Variants in HHAT observed in about 807,000 individuals in gnomAD.
HHAT encodes the protein protein-cysteine N-palmitoyltransferase HHAT.
Under a neutral mutation model 70.8 loss-of-function variants are expected in HHAT, and 47 were observed. The ratio of observed to expected loss-of-function variants is 0.66; its 90% CI spans 0.53 to 0.85. The LOEUF (loss-of-function observed/expected upper bound fraction) is 0.85, where lower values mean the gene tolerates loss of function less well. HHAT is among the 40% of genes least tolerant of loss of function. The pLI, the probability that HHAT is intolerant of heterozygous loss-of-function variation, is 0.00. For missense variants in HHAT, 609 were observed against 604.8 expected (o/e 1.01, Z -0.07); for synonymous variants, 228 against 247.6 (o/e 0.92, Z 0.74).
chr1:210,447,807 C>T (rs949586540), intron 7 of HHAT, among the ~76,000 whole-genome samples: 2 of 152,278 alleles, frequency 1.3e-5, no homozygotes, highest in Non-Finnish European at 1.5e-5. Context: ...TACGAGGCCC[C>T]ACATTCTGGT....
intron 3 of HHAT, among the ~76,000 whole-genome samples, chr1:210,374,943 A>AC (rs1454712962): frequency 8.6e-5 from 13 of 151,560 alleles, no homozygotes; most frequent in Admixed American, 8.5e-4. Flanking sequence ...CCTCCCTGCC[A>AC]CCCCCCAGCA....
chr1:210,330,751 G>T (rs1456047932), intron 1 of HHAT, among the ~76,000 whole-genome samples: 3 of 152,200 alleles, frequency 2.0e-5, no homozygotes. Context: ...CGGTTTCATG[G>T]ACAATAAGTT....
At chr1:210,347,626 C>T (rs1415525552) in intron 1 of HHAT, among the ~76,000 whole-genome samples, 1 of 152,168 alleles carries the variant, frequency 6.6e-6, no homozygotes, top group East Asian at 1.9e-4. Flanking sequence ...TTCTCTATTA[C>T]TTAGAGTATA....
At chr1:210,416,210 C>T (rs1402436833) in intron 6 of HHAT, among the ~76,000 whole-genome samples, 3 of 152,230 alleles carry the variant, frequency 2.0e-5, no homozygotes, top group Non-Finnish European at 2.9e-5. Context: ...CTGCCACTCT[C>T]CTGGCTGCAG....
rs184281511 is a variant in HHAT, at chr1:210,574,569, A to G, written c.1044-13329A>G. On this transcript the variant is annotated intron_variant, in intron 9 of 11. Transcript: ENST00000261458. ...AAGAACTTGCCTTTTCTTTTCCTTT[A>G]TATTACCCTTGTCATCTGTTGATTT... Among the ~76,000 whole-genome samples, 9 of 152,336 alleles carry G rather than the reference A, an allele frequency of 5.9e-5. No homozygotes were observed. In the East Asian group the frequency reaches 1.7e-3, roughly 29 times the overall value.
chr1:210,415,236 A>G (rs1262250297), intron 6 of HHAT, among the ~76,000 whole-genome samples: 1 of 152,206 alleles, frequency 6.6e-6, no homozygotes, highest in African/African-American at 2.4e-5. Context: ...CTTCTCGTTT[A>G]TTAAAACAAA....
At chr1:210,578,440 G>C (rs537065510) in intron 9 of HHAT, among the ~76,000 whole-genome samples, 1 of 152,048 alleles carries the variant, frequency 6.6e-6, no homozygotes, top group African/African-American at 2.4e-5. Context: ...AAATAAAAAA[G>C]AGCTACTATG....
Position 210,362,900 on chromosome 1 carries a change from T to G in HHAT, c.140T>G (p.Leu47Ter). The G allele has an allele frequency of 6.2e-7, 1 of 1,613,148 alleles. No individual in the cohort carries two copies. The highest frequency in any genetic ancestry group is 8.5e-7 in the Non-Finnish European group (1 of 1,179,130). Reference sequence around the variant, plus strand: ...GAATTTGAGCTGGAGACTGACACTTTATTTGGAGGATTAAAGAAGGTACAA... The same window carrying G: ...GAATTTGAGCTGGAGACTGACACTTGATTTGGAGGATTAAAGAAGGTACAA... ...DQEFELETDTLFGGLKKDATD... is the reference protein window; with the variant it reads ...DQEFELETDT Residue 47 changes from leucine to a stop codon, truncating the protein, a stop_gained, in exon 3 of 12, where the codon TTA becomes TGA. Coordinates refer to ENST00000261458, the MANE Select transcript of HHAT (RefSeq NM_018194.6). LOFTEE classifies it high-confidence loss of function.
intron 7 of HHAT, among the ~76,000 whole-genome samples, chr1:210,430,058 A>G (rs2093197844): frequency 6.6e-6 from 1 of 151,960 alleles, no homozygotes; most frequent in African/African-American, 2.4e-5. Context: ...ATTTTATAGA[A>G]TAAGGAGTTC....
At position 210,329,100 on chromosome 1, in the gene HHAT, C is replaced by T. The variant is rs2084752397; in HGVS notation, c.-48C>T. The T allele has an allele frequency of 5.0e-6, 7 of 1,395,596 alleles. No homozygotes were observed. The highest frequency in any genetic ancestry group is 4.8e-5 in the South Asian group (3 of 62,772). 86.5% of individuals were successfully genotyped at this position (1,395,596 alleles called of 1,614,324 possible). A position where few individuals can be genotyped will look rare whatever the true frequency, so the allele number is the denominator to read the frequency against. The stretch of plus-strand genomic sequence containing the variant: ...GCCGTCGCCGCCGCCCGGGACAGCC[C>T]GGAGGTTGGTAACTGGTGACCATAG... On this transcript the variant is annotated 5_prime_UTR_variant, in exon 1 of 12. Transcript: ENST00000261458.
chr1:210,507,339 A>G (rs956469075), intron 8 of HHAT, among the ~76,000 whole-genome samples: 2 of 151,684 alleles, frequency 1.3e-5, no homozygotes, highest in Admixed American at 6.6e-5. Context: ...CAAAAACTAA[A>G]GAAAACATTT....
In HHAT at chr1:210,673,850, G is replaced by A. The variant is rs530007549; in HGVS notation, c.1391-438G>A. Among the ~76,000 whole-genome samples, 17 of 150,842 alleles carry A rather than the reference G, an allele frequency of 1.1e-4. No individual in the cohort carries two copies. The South Asian group carries it at 3.6e-3, about 32-fold the overall frequency. On this transcript the variant is annotated intron_variant, in intron 11 of 11. Coordinates refer to ENST00000261458, the MANE Select transcript of HHAT (RefSeq NM_018194.6). Reference sequence around the variant, plus strand: ...AGGTTTCACTATGTTTCCCAGGCTGGTCTCCAACTCTTGGACTCAAGTGAT... The same window carrying A: ...AGGTTTCACTATGTTTCCCAGGCTGATCTCCAACTCTTGGACTCAAGTGAT...
Position 210,640,625 on chromosome 1 carries a change from A to C in HHAT, c.1390+16955A>C, listed in dbSNP as rs61827414. Among the ~76,000 whole-genome samples, 1,247 of 152,268 alleles carry C rather than the reference A, an allele frequency of 8.2e-3. 7 individuals are homozygous for C. The highest frequency in any genetic ancestry group is 0.014 in the Non-Finnish European group (944 of 68,004). On this transcript the variant is annotated intron_variant, in intron 11 of 11. Coordinates refer to ENST00000261458, the MANE Select transcript of HHAT (RefSeq NM_018194.6). Reference sequence around the variant, plus strand: ...GTCTTTGCCAAAGCCCTAACATGGAACTGTATTCAAAACATGCGTGCGTGT... The same window carrying C: ...GTCTTTGCCAAAGCCCTAACATGGACCTGTATTCAAAACATGCGTGCGTGT...
intron 9 of HHAT, among the ~76,000 whole-genome samples, chr1:210,586,444 A>T (rs911709739): frequency 1.3e-5 from 2 of 152,180 alleles, no homozygotes; most frequent in Admixed American, 6.5e-5. Context: ...TATCTCTAAA[A>T]ATAAAATAGT....
chr1:210,488,268 C>T (rs2094502685), intron 8 of HHAT, among the ~76,000 whole-genome samples: 1 of 152,194 alleles, frequency 6.6e-6, no homozygotes, highest in Admixed American at 6.5e-5. Flanking sequence ...TCTTGACTCA[C>T]ATATCACCTT....
chr1:210,665,189 G>A (rs1469290727), intron 11 of HHAT, among the ~76,000 whole-genome samples: 1 of 152,224 alleles, frequency 6.6e-6, no homozygotes, highest in Non-Finnish European at 1.5e-5. Flanking sequence ...ATCATATTAG[G>A]TTGGTGCAAA....
intron 11 of HHAT, among the ~76,000 whole-genome samples, chr1:210,642,303 C>T (rs1673129611): frequency 6.6e-6 from 1 of 152,188 alleles, no homozygotes; most frequent in Admixed American, 6.5e-5. Flanking sequence ...ATCTATTCAA[C>T]TGATGATGGA....
At chr1:210,558,590 G>A (rs1051574071) in intron 9 of HHAT, among the ~76,000 whole-genome samples, 1 of 152,180 alleles carries the variant, frequency 6.6e-6, no homozygotes, top group Non-Finnish European at 1.5e-5. Context: ...AATTGATGAG[G>A]TAACTTTTTT....
At chr1:210,499,234 G>A (rs899713162) in intron 8 of HHAT, among the ~76,000 whole-genome samples, 1 of 152,144 alleles carries the variant, frequency 6.6e-6, no homozygotes. Context: ...TCTGGTCTCT[G>A]CTTCCCATTC....
Sources: gnomAD v4.1 joint callset for allele counts (sites outside exome capture counted in the v4.1 genomes callset) on GRCh38, gnomAD v4.1.1 for gene constraint, MANE v1.5 for transcripts, NCBI Gene and HGNC (gene_info 2026-07-23, HGNC 2026-07-21) for gene names.